Variants in PDSS2 observed in about 807,000 individuals in gnomAD.
PDSS2 encodes all trans-polyprenyl-diphosphate synthase PDSS2.
In PDSS2, 31 loss-of-function variants were observed where a neutral mutation model predicts 44.5. That is an observed-to-expected ratio of 0.70 (90% CI 0.52 to 0.94). The LOEUF (loss-of-function observed/expected upper bound fraction) is 0.94. Ranked by LOEUF, PDSS2 falls within the 40% of genes least tolerant of loss-of-function variation. PDSS2 has a pLI of 0.00. For synonymous variants in PDSS2, 157 were observed against 180.3 expected (o/e 0.87, Z 1.03); for missense variants, 452 against 482.2 (o/e 0.94, Z 0.59).
intron 4 of PDSS2, among the ~76,000 whole-genome samples, chr6:107,220,254 G>A (rs1773556995): frequency 6.6e-6 from 1 of 151,922 alleles, no homozygotes; most frequent in African/African-American, 2.4e-5. Flanking sequence ...TGTTAAGAAA[G>A]AAAAAAGCTA....
intron 1 of PDSS2, among the ~76,000 whole-genome samples, chr6:107,447,579 C>T (rs1781729111): frequency 6.6e-6 from 1 of 152,208 alleles, no homozygotes. Context: ...AGGTGGGCTC[C>T]CACAGTCTTG....
At chr6:107,253,194 C>A (rs912351255) in intron 3 of PDSS2, among the ~76,000 whole-genome samples, 1 of 152,102 alleles carries the variant, frequency 6.6e-6, no homozygotes, top group Non-Finnish European at 1.5e-5. Context: ...CGCCACCACG[C>A]CTGGCTAATT....
At chr6:107,366,410 C>G (rs548687727) in intron 1 of PDSS2, among the ~76,000 whole-genome samples, 5 of 151,914 alleles carry the variant, frequency 3.3e-5, no homozygotes, top group Admixed American at 6.5e-5. Context: ...ATAGCATATT[C>G]TGAGGAAAAG....
chr6:107,260,326 G>A (rs898533228), intron 3 of PDSS2, among the ~76,000 whole-genome samples: 2 of 152,092 alleles, frequency 1.3e-5, no homozygotes, highest in African/African-American at 4.8e-5. Context: ...ACCAACTTTG[G>A]CTTAGACTAA....
chr6:107,183,980 C>T (rs1012034240), intron 7 of PDSS2, among the ~76,000 whole-genome samples: 1 of 150,964 alleles, frequency 6.6e-6, no homozygotes, highest in South Asian at 2.1e-4. Flanking sequence ...GCCTGGGCAA[C>T]GAGAATTAAA....
chr6:107,241,710 T>A (rs9386630), intron 4 of PDSS2, among the ~76,000 whole-genome samples: 7 of 152,012 alleles, frequency 4.6e-5, no homozygotes, highest in African/African-American at 1.7e-4. Flanking sequence ...CCTTGCATTT[T>A]TTGCTATGCA....
intron 2 of PDSS2, among the ~76,000 whole-genome samples, chr6:107,282,199 C>A (rs1562432467): frequency 6.6e-6 from 1 of 152,130 alleles, no homozygotes; most frequent in Non-Finnish European, 1.5e-5. Context: ...AGCCACTGCA[C>A]CCAGCCACCA....
At chr6:107,300,605 C>A (rs754073232) in intron 2 of PDSS2, among the ~76,000 whole-genome samples, 1 of 152,254 alleles carries the variant, frequency 6.6e-6, no homozygotes. Context: ...ATAGTCAGAT[C>A]ATCTATTGCC....
chr6:107,333,806 A>C (rs1426989679), intron 2 of PDSS2, among the ~76,000 whole-genome samples: 1 of 152,110 alleles, frequency 6.6e-6, no homozygotes, highest in Non-Finnish European at 1.5e-5. Context: ...AAAGTGCTAG[A>C]ATTACAGGTG....
chr6:107,189,462 C>T (rs1162902694), intron 7 of PDSS2, among the ~76,000 whole-genome samples: 4 of 152,030 alleles, frequency 2.6e-5, no homozygotes, highest in African/African-American at 4.8e-5. Flanking sequence ...CTCAGCCTCC[C>T]GAGTAGCTAG....
rs185123027 is a variant in PDSS2, at chr6:107,324,637, G to T, written c.431+9561C>A. ...ACCACTGTTATTAGCAGGTGAGTAAGGTTCCTTCCAGACTCTTTGTTTGCA... is the reference window on the plus strand; with the variant it reads ...ACCACTGTTATTAGCAGGTGAGTAATGTTCCTTCCAGACTCTTTGTTTGCA... On this transcript the variant is annotated intron_variant, in intron 2 of 7. Coordinates refer to ENST00000369037, the MANE Select transcript of PDSS2 (RefSeq NM_020381.4). Among the ~76,000 whole-genome samples, 309 of 152,128 alleles carry T rather than the reference G, an allele frequency of 2.0e-3. 2 individuals carry two copies. The highest frequency in any genetic ancestry group is 6.8e-3 in the Middle Eastern group (2 of 294).
intron 4 of PDSS2, among the ~76,000 whole-genome samples, chr6:107,227,320 A>C (rs1256128077): frequency 1.0e-5 from 1 of 100,396 alleles, no homozygotes; most frequent in Non-Finnish European, 2.0e-5. Flanking sequence ...ACAGAGTCTC[A>C]CTCTGTGGCC....
chr6:107,255,986 C>G (rs1385485283), intron 3 of PDSS2, among the ~76,000 whole-genome samples: 1 of 151,722 alleles, frequency 6.6e-6, no homozygotes, highest in African/African-American at 2.4e-5. Context: ...TGCTTAGCTT[C>G]ATTTTTTTTG....
At position 107,424,036 on chromosome 6, in the gene PDSS2, C is replaced by CATTTTTTTTTTTTTTTTTTTTTT. The variant is rs1554279679; in HGVS notation, c.296+34953_296+34954insAAAAAAAAAAAAAAAAAAAAAAT. On this transcript the variant is annotated intron_variant, in intron 1 of 7. Transcript: ENST00000369037. ...AATTATGATTATTTTTATCTTGCAT[C>CATTTTTTTTTTTTTTTTTTTTTT]TTTTTTTTTTTTTTTTTTTTTTTGG... Among the ~76,000 whole-genome samples the CATTTTTTTTTTTTTTTTTTTTTT allele has an allele frequency of 4.4e-5, 4 of 90,582 alleles. 1 individual carries two copies. The highest frequency in any genetic ancestry group is 4.2e-5 in the Non-Finnish European group (2 of 47,156). The allele number at this position is 90,582 out of a possible 152,430, so 59.4% of individuals were successfully genotyped here.
intron 2 of PDSS2, among the ~76,000 whole-genome samples, chr6:107,317,968 C>A (rs1403662696): frequency 6.6e-6 from 1 of 152,084 alleles, no homozygotes; most frequent in Non-Finnish European, 1.5e-5. Context: ...AAAGTAACAT[C>A]TGTTAACAAA....
At chr6:107,307,629 C>T (rs1776904429) in intron 2 of PDSS2, among the ~76,000 whole-genome samples, 1 of 151,918 alleles carries the variant, frequency 6.6e-6, no homozygotes, top group African/African-American at 2.4e-5. Flanking sequence ...GTAACCTGAC[C>T]TTTTCCCATT....
chr6:107,327,498 G>C (rs752975559), intron 2 of PDSS2, among the ~76,000 whole-genome samples: 3 of 152,214 alleles, frequency 2.0e-5, no homozygotes, highest in South Asian at 2.1e-4. Flanking sequence ...GACAGGGCCA[G>C]GCAGGCTGGG....
At chr6:107,164,994 C>T (rs9373925) in intron 7 of PDSS2, among the ~76,000 whole-genome samples, 105,455 of 152,070 alleles carry the variant, frequency 0.69, 36,960 homozygotes, top group African/African-American at 0.74. Context: ...TCATATCCTT[C>T]GCCCACTTTT....
Position 107,427,046 on chromosome 6 carries a change from G to A in PDSS2, c.296+31944C>T, listed in dbSNP as rs144431408. Among the ~76,000 whole-genome samples the A allele has an allele frequency of 5.3e-3, 802 of 152,152 alleles. 11 individuals carry two copies. The highest frequency in any genetic ancestry group is 0.018 in the African/African-American group (765 of 41,486). ...ATGAGATTTAGGAGGGACCAGGGGC[G>A]GAATGATATGGTTTGGCTGTGTCTC... On this transcript the variant is annotated intron_variant, in intron 1 of 7. Coordinates refer to ENST00000369037, the MANE Select transcript of PDSS2 (RefSeq NM_020381.4).
Sources: allele counts gnomAD v4.1 joint callset (sites outside exome capture counted in the v4.1 genomes callset), GRCh38; gene constraint gnomAD v4.1.1; transcripts MANE v1.5; gene names NCBI Gene and HGNC (gene_info 2026-07-23, HGNC 2026-07-21).